The following THBS4 variants were observed in gnomAD, a reference collection of about 807,000 sequenced individuals.
THBS4 encodes thrombospondin-4.
THBS4 carries 90 observed loss-of-function variants against 115.7 expected under a neutral mutation model. That is an observed-to-expected ratio of 0.78 (90% CI 0.66 to 0.93). The LOEUF is 0.93. Among genes scored for constraint, THBS4 ranks in the 40% least tolerant of loss-of-function variants. The pLI is 0.00. For missense variants in THBS4, 1,087 were observed against 1,232.7 expected (o/e 0.88, Z 1.77); for synonymous variants, 460 against 479.3 (o/e 0.96, Z 0.53).
At chr5:79,996,238 T>G (rs1237252460) in intron 1 of THBS4, among the ~76,000 whole-genome samples, 5 of 152,158 alleles carry the variant, frequency 3.3e-5, no homozygotes, top group African/African-American at 1.2e-4. Context: ...AAATGTAAAT[T>G]AGTATTAAGG....
intron 10 of THBS4, chr5:80,068,861 T>G (rs964318024): frequency 6.5e-6 from 1 of 153,170 alleles, no homozygotes; most frequent in Admixed American, 6.5e-5. Context: ...GGAGAGGGCA[T>G]GCTCCTGCCA....
intron 2 of THBS4, among the ~76,000 whole-genome samples, chr5:80,040,907 G>A (rs1344943504): frequency 6.6e-6 from 1 of 152,134 alleles, no homozygotes; most frequent in Admixed American, 6.5e-5. Flanking sequence ...GAAAACCTGA[G>A]GGGCACCGTA....
chr5:80,046,016 AACCT>A (rs1433346758), intron 2 of THBS4, among the ~76,000 whole-genome samples: 1 of 152,264 alleles, frequency 6.6e-6, no homozygotes, highest in African/African-American at 2.4e-5. Context: ...AAAAAGCTAA[AACCT>A]AATTGAGTCA....
exon 1 of THBS4, chr5:79,991,406 C>T (rs1051397545): frequency 3.3e-6 from 2 of 606,112 alleles, no homozygotes; most frequent in East Asian, 3.0e-5. Flanking sequence ...GCAGCTTGGC[C>T]TAAAGGGTAA....
intron 19 of THBS4, 142 bp downstream of exon 19, chr5:80,079,400 C>A: frequency 1.1e-6 from 1 of 919,868 alleles, no homozygotes; most frequent in Non-Finnish European, 1.6e-6. Context: ...GGGAAGACTA[C>A]AGTTGACCCT....
At chr5:80,014,866 A>T (rs554933487) in intron 2 of THBS4, among the ~76,000 whole-genome samples, 54 of 152,374 alleles carry the variant, frequency 3.5e-4, no homozygotes, top group African/African-American at 1.3e-3. Flanking sequence ...TGTTAATCCA[A>T]GTCTGTCACT....
At chr5:80,080,210 C>T (rs748458879) in intron 20 of THBS4, 133 bp downstream of exon 20, 59 of 1,098,078 alleles carry the variant, frequency 5.4e-5, no homozygotes, top group East Asian at 7.8e-5. Flanking sequence ...CTTTTGTGAC[C>T]GCAGGATGGG....
At chr5:80,007,631 T>G (rs1409973244) in intron 2 of THBS4, among the ~76,000 whole-genome samples, 1 of 152,208 alleles carries the variant, frequency 6.6e-6, no homozygotes, top group Non-Finnish European at 1.5e-5. Flanking sequence ...AGTGATGTAC[T>G]TCTTGGGGTC....
At chr5:80,053,912 C>A (rs569639473) in intron 2 of THBS4, among the ~76,000 whole-genome samples, 19 of 152,204 alleles carry the variant, frequency 1.2e-4, no homozygotes, top group Admixed American at 1.1e-3. Flanking sequence ...TTCTAGCAAA[C>A]CTTAGCCAAT....
In THBS4 at chr5:80,049,886, C is replaced by G. The variant is rs1340074366; in HGVS notation, c.293-5899C>G. On this transcript the variant is annotated intron_variant, in intron 2 of 21. Transcript: ENST00000350881. Reference sequence around the variant, plus strand: ...GTTCAATCTCTCAGTCCAAAAAGTCCGTGCAGAAAGAGACCTAAAGTAGGA... The same window carrying G: ...GTTCAATCTCTCAGTCCAAAAAGTCGGTGCAGAAAGAGACCTAAAGTAGGA... 2.6e-5 allele frequency among the ~76,000 whole-genome samples: 4 copies of G among 152,246 alleles called. No individual in the cohort carries two copies. In the East Asian group the frequency reaches 7.7e-4, roughly 29 times the overall value.
intron 2 of THBS4, among the ~76,000 whole-genome samples, chr5:80,025,204 A>G (rs952637073): frequency 1.3e-5 from 2 of 152,186 alleles, no homozygotes; most frequent in Non-Finnish European, 2.9e-5. Context: ...TCTTCCACAG[A>G]AAAAGAAAAA....
chr5:80,043,288 C>T (rs752339690), intron 2 of THBS4, among the ~76,000 whole-genome samples: 2 of 152,114 alleles, frequency 1.3e-5, no homozygotes, highest in Non-Finnish European at 2.9e-5. Context: ...CTGACTGGAA[C>T]AATAAAAAGA....
intron 2 of THBS4, among the ~76,000 whole-genome samples, chr5:80,046,329 A>G (rs899097203): frequency 6.6e-6 from 1 of 152,232 alleles, no homozygotes; most frequent in African/African-American, 2.4e-5. Flanking sequence ...TGAATTACAC[A>G]TTGGGATATT....
rs372280440 is a variant in THBS4 at position 80,059,677 on chromosome 5, G to A, written c.785-26G>A. Reference sequence around the variant, plus strand: ...TGTATATCTTCCTGGCGGTGAATACGCCTGTGGATGATTGTTTTTCTCTAG... The same window carrying A: ...TGTATATCTTCCTGGCGGTGAATACACCTGTGGATGATTGTTTTTCTCTAG... On this transcript the variant is annotated intron_variant, in intron 6 of 21. Transcript: ENST00000350881. 43 of 1,612,066 alleles carry A rather than the reference G, an allele frequency of 2.7e-5. 1 individual carries two copies. Among genetic ancestry groups the A allele is most frequent in the South Asian group, 6.6e-5 (6 of 91,026 alleles).
chr5:80,000,685 A>G (rs1045410974), intron 2 of THBS4, among the ~76,000 whole-genome samples: 1 of 152,192 alleles, frequency 6.6e-6, no homozygotes, highest in East Asian at 1.9e-4. Context: ...AAGGTTAATC[A>G]TAGCGCTGAA....
chr5:80,070,762 G>C lies in THBS4; in HGVS notation c.1560+12G>C. 1 of 1,612,890 alleles carries C rather than the reference G, an allele frequency of 6.2e-7. No individual in the cohort carries two copies. On this transcript the variant is annotated intron_variant, in intron 12 of 21. Transcript: ENST00000350881. ...TCCTGAATGAGCAGGTACCTGCTTC[G>C]CTGGGAGGGCCTGTGAATTGCCACG...
intron 2 of THBS4, among the ~76,000 whole-genome samples, chr5:80,010,434 T>C (rs1832100987): frequency 6.6e-6 from 1 of 152,334 alleles, no homozygotes; most frequent in Non-Finnish European, 1.5e-5. Context: ...AATAAGGTAC[T>C]TTGACCCAAG....
chr5:80,027,556 A>G (rs1220357171), intron 2 of THBS4, among the ~76,000 whole-genome samples: 3 of 152,286 alleles, frequency 2.0e-5, no homozygotes, highest in Non-Finnish European at 2.9e-5. Flanking sequence ...TTACATTGCT[A>G]GAGGAGTGAT....
chr5:80,078,289 T>C (rs1266731436), intron 17 of THBS4, 62 bp downstream of exon 17: 2 of 1,389,950 alleles, frequency 1.4e-6, no homozygotes, highest in East Asian at 5.1e-5. Flanking sequence ...CTTCTGATAG[T>C]GGTAGGTCAT....
Sources: allele counts gnomAD v4.1 joint callset (sites outside exome capture counted in the v4.1 genomes callset), GRCh38; gene constraint gnomAD v4.1.1; transcripts MANE v1.5; gene names NCBI Gene and HGNC (gene_info 2026-07-23, HGNC 2026-07-21).